Variants in GPC5 observed in about 807,000 individuals in gnomAD.
The protein encoded by GPC5 is glypican-5.
GPC5 carries 47 observed loss-of-function variants against 53.9 expected under a neutral mutation model. The ratio of observed to expected loss-of-function variants is 0.87; its 90% CI spans 0.69 to 1.11. The LOEUF (loss-of-function observed/expected upper bound fraction) is 1.11. GPC5 is among the 50% of genes most tolerant of loss of function. GPC5 has a pLI of 0.00. For missense variants in GPC5, 748 were observed against 713.1 expected (o/e 1.05, Z -0.56); for synonymous variants, 286 against 263.3 (o/e 1.09, Z -0.84).
intron 7 of GPC5, among the ~76,000 whole-genome samples, chr13:92,679,642 G>A (rs968488643): frequency 1.4e-5 from 2 of 143,608 alleles, no homozygotes; most frequent in African/African-American, 5.1e-5. Context: ...AGTTCTCAAG[G>A]GCTCAAGTGT....
At chr13:92,842,715 C>T (rs1878472366) in intron 7 of GPC5, among the ~76,000 whole-genome samples, 1 of 149,452 alleles carries the variant, frequency 6.7e-6, no homozygotes. Flanking sequence ...ATTAGGGTCA[C>T]ACAAAACAAG....
intron 7 of GPC5, among the ~76,000 whole-genome samples, chr13:92,147,527 G>T (rs2041877066): frequency 6.6e-6 from 1 of 151,954 alleles, no homozygotes; most frequent in Non-Finnish European, 1.5e-5. Context: ...GGAGGTAGAG[G>T]CAGTGAAGCA....
At chr13:92,147,734 C>T (rs2138988040) in intron 7 of GPC5, among the ~76,000 whole-genome samples, 1 of 152,188 alleles carries the variant, frequency 6.6e-6, no homozygotes, top group East Asian at 1.9e-4. Context: ...TCCACATCTG[C>T]TCTAAGTGGG....
intron 7 of GPC5, among the ~76,000 whole-genome samples, chr13:92,740,698 A>G (rs900364974): frequency 6.6e-6 from 1 of 151,918 alleles, no homozygotes; most frequent in African/African-American, 2.4e-5. Flanking sequence ...ATGTCTACAC[A>G]TGGAGATTGT....
intron 6 of GPC5, among the ~76,000 whole-genome samples, chr13:92,025,190 A>G (rs2040790947): frequency 6.6e-6 from 1 of 151,840 alleles, no homozygotes; most frequent in Admixed American, 6.6e-5. Flanking sequence ...CTTTATTGTT[A>G]TATTTGATTT....
intron 7 of GPC5, among the ~76,000 whole-genome samples, chr13:92,460,756 A>G (rs1314251117): frequency 6.6e-6 from 1 of 152,188 alleles, no homozygotes; most frequent in African/African-American, 2.4e-5. Flanking sequence ...CCAGAAGAAG[A>G]CTTAATGTTC....
intron 6 of GPC5, among the ~76,000 whole-genome samples, chr13:92,001,292 G>A (rs2040551920): frequency 6.6e-6 from 1 of 152,092 alleles, no homozygotes; most frequent in African/African-American, 2.4e-5. Context: ...TACTATGATT[G>A]GCAAAGGGAT....
intron 5 of GPC5, among the ~76,000 whole-genome samples, chr13:91,877,810 C>T (rs1243270479): frequency 6.6e-6 from 1 of 152,254 alleles, no homozygotes; most frequent in South Asian, 2.1e-4. Context: ...GGCTGTGTCC[C>T]TACCCAAATC....
At chr13:92,614,154 C>A (rs1187699484) in intron 7 of GPC5, among the ~76,000 whole-genome samples, 4 of 152,066 alleles carry the variant, frequency 2.6e-5, no homozygotes, top group Admixed American at 2.6e-4. Flanking sequence ...TTATTTTTGT[C>A]CCTTTTTTTG....
intron 1 of GPC5, among the ~76,000 whole-genome samples, chr13:91,403,740 G>A (rs185365285): frequency 6.1e-4 from 93 of 152,282 alleles, no homozygotes; most frequent in Non-Finnish European, 8.8e-4. Flanking sequence ...AGAGAATCAC[G>A]TGTTTCATTT....
chr13:91,467,474 G>T (rs1026472740), intron 2 of GPC5, among the ~76,000 whole-genome samples: 8 of 152,008 alleles, frequency 5.3e-5, no homozygotes, highest in Admixed American at 6.6e-5. Context: ...TCCTCATTTT[G>T]CTTTCTTTTC....
At chr13:92,653,413 T>C (rs1886022582) in intron 7 of GPC5, among the ~76,000 whole-genome samples, 2 of 152,168 alleles carry the variant, frequency 1.3e-5, no homozygotes, top group African/African-American at 4.8e-5. Flanking sequence ...CCAAGAATGG[T>C]GAAAGCCAGG....
intron 5 of GPC5, among the ~76,000 whole-genome samples, chr13:91,799,596 C>A (rs1304615236): frequency 6.6e-6 from 1 of 152,104 alleles, no homozygotes; most frequent in Non-Finnish European, 1.5e-5. Flanking sequence ...TGTTTTATAG[C>A]AGGATCTATA....
At chr13:91,708,913 A>C (rs1303814080) in intron 3 of GPC5, among the ~76,000 whole-genome samples, 3 of 152,174 alleles carry the variant, frequency 2.0e-5, no homozygotes, top group Non-Finnish European at 4.4e-5. Context: ...TTTGTCTTTA[A>C]CACTACAAGG....
At chr13:91,766,696 A>C (rs2037531747) in intron 5 of GPC5, among the ~76,000 whole-genome samples, 3 of 152,108 alleles carry the variant, frequency 2.0e-5, no homozygotes, top group Admixed American at 2.0e-4. Flanking sequence ...CCCTGTCTCT[A>C]CTAAAAATAC....
chr13:92,458,937 A>G (rs1878378259), intron 7 of GPC5, among the ~76,000 whole-genome samples: 1 of 152,162 alleles, frequency 6.6e-6, no homozygotes, highest in African/African-American at 2.4e-5. Flanking sequence ...GTGAGTGCCT[A>G]CTTTGGAAAA....
chr13:91,818,180 A>G (rs1019267602), intron 5 of GPC5, among the ~76,000 whole-genome samples: 3 of 152,214 alleles, frequency 2.0e-5, no homozygotes, highest in Non-Finnish European at 4.4e-5. Context: ...TGCAGTTGGT[A>G]CGAAAATATT....
intron 7 of GPC5, chr13:92,658,998 G>C (rs1377267637): frequency 1.5e-5 from 2 of 131,278 alleles, no homozygotes; most frequent in African/African-American, 2.8e-5. Context: ...GCGGGATCTC[G>C]GCTCACTGCA....
At chr13:92,710,107 A>ATAAC (rs1888083675) in intron 7 of GPC5, among the ~76,000 whole-genome samples, 1 of 152,216 alleles carries the variant, frequency 6.6e-6, no homozygotes, top group African/African-American at 2.4e-5. Flanking sequence ...AACTTCCAGA[A>ATAAC]TAACTAACTC....
Sources: allele counts gnomAD v4.1 joint callset (sites outside exome capture counted in the v4.1 genomes callset), GRCh38; gene constraint gnomAD v4.1.1; transcripts MANE v1.5; gene names NCBI Gene and HGNC (gene_info 2026-07-23, HGNC 2026-07-21).